Variants in NKAIN2 observed in about 807,000 individuals in gnomAD.
The protein encoded by NKAIN2 is sodium/potassium-transporting ATPase subunit beta-1-interacting protein 2.
NKAIN2 carries 14 observed loss-of-function variants against 32.6 expected under a neutral mutation model. The observed-to-expected ratio is 0.43, with a 90% CI of 0.28 to 0.67. The LOEUF is 0.67. NKAIN2 is among the 30% of genes least tolerant of loss of function. The pLI is 0.17. For missense variants in NKAIN2, 198 were observed against 258.3 expected, an observed-to-expected ratio of 0.77 and a Z score of 1.60; for synonymous variants, 80 against 87.2, an observed-to-expected ratio of 0.92 and a Z score of 0.46.
At chr6:123,819,229 T>G (rs1186979753) in intron 1 of NKAIN2, among the ~76,000 whole-genome samples, 2 of 152,178 alleles carry the variant, frequency 1.3e-5, no homozygotes, top group East Asian at 3.9e-4. Context: ...GTCTTCCATC[T>G]GTATGCCTCG....
intron 1 of NKAIN2, among the ~76,000 whole-genome samples, chr6:124,269,530 C>A (rs143482640): frequency 1.3e-5 from 2 of 148,834 alleles, no homozygotes; most frequent in Non-Finnish European, 3.0e-5. Flanking sequence ...TGCAATGGTG[C>A]GAACTCGGCT....
chr6:124,554,658 A>ACTC (rs1245021033), intron 3 of NKAIN2, among the ~76,000 whole-genome samples: 1 of 152,210 alleles, frequency 6.6e-6, no homozygotes, highest in East Asian at 1.9e-4. Flanking sequence ...TCACAATGGG[A>ACTC]AGTTAATTTA....
chr6:123,962,523 T>C (rs1339444700), intron 1 of NKAIN2, among the ~76,000 whole-genome samples: 5 of 152,196 alleles, frequency 3.3e-5, no homozygotes, highest in Non-Finnish European at 7.3e-5. Flanking sequence ...GTGCATAACG[T>C]TGAGGAATTT....
chr6:124,374,730 G>C (rs1446730137), intron 3 of NKAIN2, among the ~76,000 whole-genome samples: 3 of 152,112 alleles, frequency 2.0e-5, no homozygotes, highest in Admixed American at 2.0e-4. Context: ...TATGTGCAAA[G>C]ATGTTAAAAC....
chr6:124,586,602 T>G (rs1402865113), intron 3 of NKAIN2, among the ~76,000 whole-genome samples: 1 of 149,082 alleles, frequency 6.7e-6, no homozygotes, highest in Non-Finnish European at 1.5e-5. Flanking sequence ...AAATAAAAGT[T>G]GGAAAGAAAA....
intron 3 of NKAIN2, among the ~76,000 whole-genome samples, chr6:124,502,847 A>T (rs1158342914): frequency 6.6e-6 from 1 of 152,154 alleles, no homozygotes; most frequent in Non-Finnish European, 1.5e-5. Context: ...CATGTGTGTC[A>T]TCACTCTTTC....
In NKAIN2 at chr6:124,154,552, T is replaced by C. The variant is rs553976727; in HGVS notation, c.55-128453T>C. Among the ~76,000 whole-genome samples, 5 of 152,130 alleles carry C rather than the reference T, an allele frequency of 3.3e-5. No homozygotes were observed. The South Asian group carries it at 1.0e-3, about 31-fold the overall frequency. On this transcript the variant is annotated intron_variant, in intron 1 of 6. Coordinates refer to ENST00000368417, the MANE Select transcript of NKAIN2 (RefSeq NM_001040214.3). ...AAATTATACTGCCACTTTGTGACTC[T>C]TTTTTATGTACGTATTCTAGCCCAC...
intron 2 of NKAIN2, among the ~76,000 whole-genome samples, chr6:124,353,187 G>A (rs1387714940): frequency 6.6e-6 from 1 of 151,780 alleles, no homozygotes; most frequent in African/African-American, 2.4e-5. Context: ...TTTGTGCAAA[G>A]TACTAAGTTA....
At chr6:124,807,990 C>T (rs1038062904) in intron 5 of NKAIN2, among the ~76,000 whole-genome samples, 12 of 148,240 alleles carry the variant, frequency 8.1e-5, no homozygotes, top group African/African-American at 2.9e-4. Context: ...TGGCAATAAT[C>T]AATAGCTTAC....
intron 3 of NKAIN2, among the ~76,000 whole-genome samples, chr6:124,463,733 C>T (rs1776627402): frequency 6.6e-6 from 1 of 152,130 alleles, no homozygotes; most frequent in South Asian, 2.1e-4. Flanking sequence ...AAGATATACA[C>T]ATGCCTGTAC....
At chr6:124,178,276 A>C (rs986074908) in intron 1 of NKAIN2, among the ~76,000 whole-genome samples, 5 of 150,214 alleles carry the variant, frequency 3.3e-5, no homozygotes, top group Non-Finnish European at 5.9e-5. Context: ...TACAGCAGCC[A>C]AATGGATTTA....
At chr6:124,735,985 A>T (rs186877906) in intron 4 of NKAIN2, among the ~76,000 whole-genome samples, 11 of 152,070 alleles carry the variant, frequency 7.2e-5, no homozygotes, top group African/African-American at 2.4e-4. Flanking sequence ...AAAGCTAGAA[A>T]TGATTCAGCT....
intron 1 of NKAIN2, among the ~76,000 whole-genome samples, chr6:123,841,147 G>C (rs533729533): frequency 6.6e-6 from 1 of 152,090 alleles, no homozygotes; most frequent in African/African-American, 2.4e-5. Context: ...GAATAGGGCG[G>C]TATATGTACA....
At chr6:124,044,902 T>C (rs1282949300) in intron 1 of NKAIN2, among the ~76,000 whole-genome samples, 5 of 152,024 alleles carry the variant, frequency 3.3e-5, no homozygotes, top group Admixed American at 2.0e-4. Context: ...AGTTAAAGTT[T>C]AGGAGACATA....
chr6:124,174,241 G>C (rs913657471), intron 1 of NKAIN2, among the ~76,000 whole-genome samples: 3 of 152,104 alleles, frequency 2.0e-5, no homozygotes, highest in African/African-American at 7.2e-5. Flanking sequence ...AAAATTCATG[G>C]AATGCCACAG....
At chr6:124,206,875 G>A (rs1363356087) in intron 1 of NKAIN2, among the ~76,000 whole-genome samples, 1 of 150,322 alleles carries the variant, frequency 6.7e-6, no homozygotes, top group African/African-American at 2.4e-5. Context: ...TGGATCTCTA[G>A]ATGATATAGT....
chr6:124,143,046 C>T (rs916658406), intron 1 of NKAIN2, among the ~76,000 whole-genome samples: 9 of 152,188 alleles, frequency 5.9e-5, no homozygotes, highest in African/African-American at 2.2e-4. Flanking sequence ...ACTGTTTATG[C>T]TTCTGAAGAG....
intron 1 of NKAIN2, among the ~76,000 whole-genome samples, chr6:124,157,102 CAAAAAAA>C (rs386408503): frequency 4.1e-5 from 2 of 48,978 alleles, no homozygotes; most frequent in Non-Finnish European, 6.5e-5. Flanking sequence ...GACTCTGTCT[CAAAAAAA>C]AAAAAAAAAA....
chr6:124,299,736 T>C (rs1796222322), intron 2 of NKAIN2, among the ~76,000 whole-genome samples: 1 of 152,236 alleles, frequency 6.6e-6, no homozygotes, highest in South Asian at 2.1e-4. Flanking sequence ...TATTTTTCTA[T>C]TCTGAATAAG....
Sources: allele counts gnomAD v4.1 joint callset (sites outside exome capture counted in the v4.1 genomes callset), GRCh38; gene constraint gnomAD v4.1.1; transcripts MANE v1.5; gene names NCBI Gene and HGNC (gene_info 2026-07-23, HGNC 2026-07-21).